Variants in OPCML observed in about 807,000 individuals in gnomAD.
The protein encoded by OPCML is opioid-binding protein/cell adhesion molecule.
In OPCML, 13 loss-of-function variants were observed where a neutral mutation model predicts 37.8. The ratio of observed to expected loss-of-function variants is 0.34; its 90% CI spans 0.22 to 0.55. OPCML has a LOEUF of 0.55. OPCML is among the 20% of genes least tolerant of loss of function. OPCML has a pLI of 0.91. For synonymous variants in OPCML, 176 were observed against 168.8 expected (o/e 1.04, Z -0.33); for missense variants, 341 against 435.6 (o/e 0.78, Z 1.93).
chr11:133,438,512 G>T (rs1346342834), intron 1 of OPCML, among the ~76,000 whole-genome samples: 1 of 152,136 alleles, frequency 6.6e-6, no homozygotes, highest in African/African-American at 2.4e-5. Context: ...GTACAAGAGG[G>T]CTCCTGAAAT....
chr11:133,234,067 A>G (rs1940406729), intron 1 of OPCML, among the ~76,000 whole-genome samples: 1 of 152,194 alleles, frequency 6.6e-6, no homozygotes, highest in Admixed American at 6.5e-5. Context: ...CATAAAATAG[A>G]TGTTCCCTTA....
chr11:133,112,826 C>G (rs190573991), intron 1 of OPCML, among the ~76,000 whole-genome samples: 163 of 152,272 alleles, frequency 1.1e-3, no homozygotes, highest in African/African-American at 3.7e-3. Flanking sequence ...CACCGAGAAA[C>G]TCTTAATCGC....
chr11:133,391,684 T>C (rs1945177084), intron 1 of OPCML, among the ~76,000 whole-genome samples: 1 of 152,196 alleles, frequency 6.6e-6, no homozygotes, highest in African/African-American at 2.4e-5. Flanking sequence ...TACAAGGCAC[T>C]CTCAGAAAAG....
rs116508042 is a variant in OPCML, at chr11:132,657,422, T to C, written c.147-103A>G. On this transcript the variant is annotated intron_variant, in intron 2 of 7. Coordinates refer to ENST00000524381, the MANE Select transcript of OPCML (RefSeq NM_001012393.5). ...AAGACGTTGCATTTTGAGGAGTAAA[T>C]GAAACAACAAAACACAGTGCTAAAA... 1.6e-3 allele frequency: 2,381 copies of C among 1,473,674 alleles called. 23 individuals carry two copies. The African/African-American group carries it at 0.028, about 17-fold the overall frequency. 91.3% of individuals were successfully genotyped at this position (1,473,674 alleles called of 1,614,324 possible).
chr11:133,500,903 T>A (rs994568941), intron 1 of OPCML, among the ~76,000 whole-genome samples: 2 of 151,702 alleles, frequency 1.3e-5, no homozygotes, highest in Admixed American at 6.6e-5. Context: ...GGAGGAGAGA[T>A]GACTCCTTGC....
At chr11:132,966,513 A>G (rs1946218619) in intron 1 of OPCML, among the ~76,000 whole-genome samples, 1 of 152,108 alleles carries the variant, frequency 6.6e-6, no homozygotes, top group East Asian at 1.9e-4. Context: ...ACTTGAAAAT[A>G]ATGTATATTC....
At chr11:132,442,506 C>G (rs990942775) in intron 4 of OPCML, among the ~76,000 whole-genome samples, 16 of 152,204 alleles carry the variant, frequency 1.1e-4, no homozygotes, top group Non-Finnish European at 1.5e-4. Flanking sequence ...TTTAGCCTTC[C>G]ACTTTTTTGG....
At chr11:133,342,468 T>C (rs184347064) in intron 1 of OPCML, among the ~76,000 whole-genome samples, 1 of 152,104 alleles carries the variant, frequency 6.6e-6, no homozygotes, top group Non-Finnish European at 1.5e-5. Flanking sequence ...TTTCAACTCA[T>C]TGAGAGGCTT....
intron 1 of OPCML, among the ~76,000 whole-genome samples, chr11:133,362,786 C>A (rs896115695): frequency 5.9e-5 from 9 of 152,102 alleles, no homozygotes; most frequent in Admixed American, 2.0e-4. Flanking sequence ...ACTGGCCCCG[C>A]GGTGGGAAAT....
intron 1 of OPCML, among the ~76,000 whole-genome samples, chr11:133,424,718 A>G (rs1945965077): frequency 6.6e-6 from 1 of 152,202 alleles, no homozygotes; most frequent in Admixed American, 6.5e-5. Flanking sequence ...TGAATGACTG[A>G]TTGCTGATAA....
In OPCML at chr11:132,965,242, C is replaced by A. The variant is rs114251977; in HGVS notation, c.62-22232G>T. Among the ~76,000 whole-genome samples, 719 of 152,268 alleles carry A rather than the reference C, an allele frequency of 4.7e-3. 6 individuals carry two copies. Among genetic ancestry groups the A allele is most frequent in the African/African-American group, 0.017 (690 of 41,546 alleles). ...AAGTGTTCCCACTTCTTCCATTTCT[C>A]TCTCTCTCTCTTTTTTGGGGGGAGG... On this transcript the variant is annotated intron_variant, in intron 1 of 7. Coordinates refer to ENST00000524381, the MANE Select transcript of OPCML (RefSeq NM_001012393.5).
chr11:133,057,865 A>G (rs1948268880), intron 1 of OPCML, among the ~76,000 whole-genome samples: 1 of 152,218 alleles, frequency 6.6e-6, no homozygotes, highest in Non-Finnish European at 1.5e-5. Context: ...TGCCAGAGAC[A>G]AAGTTCCAGG....
At chr11:132,659,898 T>C (rs1941883043) in intron 2 of OPCML, among the ~76,000 whole-genome samples, 1 of 152,216 alleles carries the variant, frequency 6.6e-6, no homozygotes, top group African/African-American at 2.4e-5. Flanking sequence ...ATGTACTTTA[T>C]GCTTGAAGGT....
chr11:133,375,705 T>A (rs981977859), intron 1 of OPCML, among the ~76,000 whole-genome samples: 1 of 152,156 alleles, frequency 6.6e-6, no homozygotes, highest in Non-Finnish European at 1.5e-5. Flanking sequence ...TTAGCTTCAA[T>A]TAAACTTATT....
intron 1 of OPCML, among the ~76,000 whole-genome samples, chr11:133,307,543 C>T (rs1942955660): frequency 6.6e-6 from 1 of 152,044 alleles, no homozygotes; most frequent in African/African-American, 2.4e-5. Context: ...TTTGGCTGTC[C>T]CCATGACCAT....
At chr11:132,662,646 G>T (rs555715280) in intron 2 of OPCML, among the ~76,000 whole-genome samples, 1 of 152,330 alleles carries the variant, frequency 6.6e-6, no homozygotes, top group Non-Finnish European at 1.5e-5. Flanking sequence ...AGTGTATCAT[G>T]GGAACTGTGG....
chr11:132,983,039 G>T (rs1176982751), intron 1 of OPCML, among the ~76,000 whole-genome samples: 3 of 152,184 alleles, frequency 2.0e-5, no homozygotes, highest in African/African-American at 7.2e-5. Flanking sequence ...AATTATGATG[G>T]CTTTTTGAAT....
intron 1 of OPCML, among the ~76,000 whole-genome samples, chr11:133,257,358 C>T (rs577259236): frequency 6.6e-6 from 1 of 152,286 alleles, no homozygotes; most frequent in African/African-American, 2.4e-5. Context: ...AAAGGCAGCC[C>T]TGTGGGATGA....
chr11:132,747,192 G>A (rs769433725), intron 2 of OPCML, among the ~76,000 whole-genome samples: 2 of 152,196 alleles, frequency 1.3e-5, no homozygotes, highest in Non-Finnish European at 2.9e-5. Flanking sequence ...AGCAACCAAA[G>A]AGATAACTAG....
Sources: allele counts gnomAD v4.1 joint callset (sites outside exome capture counted in the v4.1 genomes callset), GRCh38; gene constraint gnomAD v4.1.1; transcripts MANE v1.5; gene names NCBI Gene and HGNC (gene_info 2026-07-23, HGNC 2026-07-21).